SYTL1: variants seen among roughly 807,000 people sequenced by gnomAD.
The protein encoded by SYTL1 is synaptotagmin-like protein 1.
Under a neutral mutation model 74.6 loss-of-function variants are expected in SYTL1, and 53 were observed. The ratio of observed to expected loss-of-function variants is 0.71; its 90% confidence interval spans 0.57 to 0.89. SYTL1 has a LOEUF of 0.89. Ranked by LOEUF, SYTL1 falls within the 40% of genes least tolerant of loss-of-function variation. The pLI, the probability that SYTL1 is intolerant of heterozygous loss-of-function variation, is 0.00. For missense variants in SYTL1, 728 were observed against 768.7 expected, an observed-to-expected ratio of 0.95 and a Z score of 0.63; for synonymous variants, 329 against 324.9, an observed-to-expected ratio of 1.01 and a Z score of -0.14.
chr1:27,350,307 G>C lies in SYTL1; in HGVS notation c.909-82G>C. On this transcript the variant is annotated intron_variant, in intron 9 of 14. Transcript: ENST00000616558. The surrounding 1 kb of genome is among the most constrained non-coding windows in gnomAD (Gnocchi z 6.3). ...TTAGCACGAGGCCTGGCACGTGTTC[G>C]GGATGGTGGCTGGGGGAGCCCACAG... The C allele has an allele frequency of 6.6e-7, 1 of 1,508,380 alleles. No individual in the cohort carries two copies. The allele number at this position is 1,508,380 out of a possible 1,614,324, so 93.4% of individuals were successfully genotyped here.
chr1:27,347,475 C>A lies in SYTL1; in HGVS notation c.246C>A (p.Asp82Glu). Residue 82 changes from aspartate (D) to glutamate (E), a missense_variant, in exon 3 of 15, where the codon GAC (aspartate) becomes GAA (glutamate). Transcript: ENST00000616558. This position sits in a 1 kb window ranked among gnomAD's most constrained non-coding sequence, Gnocchi z 4.9. ...DPGQLKILTG[D>E]WFQEARSQRH... ...GGCAGCTGAAGATCCTGACAGGGGA[C>A]TGGTTCCAGGAAGCACGCTCCCAGC... 6.2e-7 allele frequency: 1 copy of A among 1,614,148 alleles called. No individual in the cohort carries two copies. Among genetic ancestry groups the A allele is most frequent in the Non-Finnish European group, 8.5e-7 (1 of 1,180,050 alleles).
At chr1:27,344,137 CT>C (rs1418937994) in intron 1 of SYTL1, among the ~76,000 whole-genome samples, 1 of 151,430 alleles carries the variant, frequency 6.6e-6, no homozygotes, top group Non-Finnish European at 1.5e-5. Flanking sequence ...GAGTTTCACT[CT>C]TTTTGCCCAG....
At position 27,353,923 on chromosome 1, in the gene SYTL1, C is replaced by G. The variant is rs1420929774; in HGVS notation, c.*71C>G. 20 of 1,422,994 alleles carry G rather than the reference C, an allele frequency of 1.4e-5. No individual in the cohort carries two copies. The Admixed American group carries it at 3.4e-4, about 24-fold the overall frequency. The allele number at this position is 1,422,994 out of a possible 1,614,324, so 88.1% of individuals were successfully genotyped here. A position where few individuals can be genotyped will look rare whatever the true frequency, so the allele number is the denominator to read the frequency against. On this transcript the variant is annotated 3_prime_UTR_variant, in exon 15 of 15. Coordinates refer to ENST00000616558, the MANE Select transcript of SYTL1 (RefSeq NM_001193308.2). ...TTGGCTAAAGTCAATAAAGTCTATT[C>G]TAAGAGCAATAAAAGGCTGGTGTCT...
chr1:27,349,783 G>C lies in SYTL1; in HGVS notation c.747+18G>C, dbSNP rs1395415323. The C allele has an allele frequency of 1.3e-6, 2 of 1,579,402 alleles. No homozygotes were observed. The highest frequency in any genetic ancestry group is 1.8e-5 in the Admixed American group (1 of 57,116). The stretch of plus-strand genomic sequence containing the variant: ...CCTCCACGGTGAGGCGGGAGGGAGG[G>C]GACCCGGGCGGCCGGGGGGTGGACC... On this transcript the variant is annotated intron_variant, in intron 8 of 14. Coordinates refer to ENST00000616558, the MANE Select transcript of SYTL1 (RefSeq NM_001193308.2).
chr1:27,349,916 C>T (rs1172936267), intron 8 of SYTL1, 56 bp from the exon 9 acceptor site: 3 of 1,550,542 alleles, frequency 1.9e-6, no homozygotes, highest in Non-Finnish European at 2.6e-6. Flanking sequence ...GCGCTGCCCG[C>T]GGCCCCGACG....
chr1:27,347,909 T>A lies in SYTL1; in HGVS notation c.413+29T>A. The A allele has an allele frequency of 6.2e-7, 1 of 1,613,928 alleles. No individual in the cohort carries two copies. Among genetic ancestry groups the A allele is most frequent in the Non-Finnish European group, 8.5e-7 (1 of 1,179,884 alleles). ...AGGAGGAGTCTCAGGAAGGGGGAGATGGTGCCCACCAGTCACCAGGGTCCC... is the reference window on the plus strand; with the variant it reads ...AGGAGGAGTCTCAGGAAGGGGGAGAAGGTGCCCACCAGTCACCAGGGTCCC... On this transcript the variant is annotated intron_variant, in intron 4 of 14. Transcript: ENST00000616558. The surrounding 1 kb of genome is among the most constrained non-coding windows in gnomAD (Gnocchi z 4.9).
rs1402598536 is a variant in SYTL1, at chr1:27,345,271, T to A, written c.-38-26T>A. ...ATGTGCCAAGCATTTGTGCAGGGCT[T>A]GACCTGACCCTCGGTCTGCCCCCAG... On this transcript the variant is annotated intron_variant, in intron 1 of 14. Transcript: ENST00000616558. The surrounding 1 kb of genome is among the most constrained non-coding windows in gnomAD (Gnocchi z 6.0). The A allele has an allele frequency of 7.8e-7, 1 of 1,285,162 alleles. No homozygotes were observed. The highest frequency in any genetic ancestry group is 2.7e-5 in the East Asian group (1 of 37,028). The allele number at this position is 1,285,162 out of a possible 1,614,324, so 79.6% of individuals were successfully genotyped here.
Position 27,350,761 on chromosome 1 carries a change from A to G in SYTL1, c.1006-33A>G, listed in dbSNP as rs1374108040. On this transcript the variant is annotated intron_variant, in intron 10 of 14. Coordinates refer to ENST00000616558, the MANE Select transcript of SYTL1 (RefSeq NM_001193308.2). The surrounding 1 kb of genome is among the most constrained non-coding windows in gnomAD (Gnocchi z 6.3). ...CGCAGCATCTACGCGGGCCACCAGC[A>G]GTGCTCCACTAAAGCTCACCTCCTG... 1 of 1,607,690 alleles carries G rather than the reference A, an allele frequency of 6.2e-7. No individual in the cohort carries two copies. The highest frequency in any genetic ancestry group is 2.2e-5 in the East Asian group (1 of 44,696).
In SYTL1 at chr1:27,348,631, C is replaced by T. The variant is rs1292080658; in HGVS notation, c.460-449C>T. Among the ~76,000 whole-genome samples the T allele has an allele frequency of 6.6e-6, 1 of 151,998 alleles. No individual in the cohort carries two copies. The highest frequency in any genetic ancestry group is 2.4e-5 in the African/African-American group (1 of 41,370). Reference sequence around the variant, plus strand: ...CTGAGGCAGGAGAATCGCTTGAACCCAGGAGGCGGAGGTTGCAGTGAGCCA... The same window carrying T: ...CTGAGGCAGGAGAATCGCTTGAACCTAGGAGGCGGAGGTTGCAGTGAGCCA... On this transcript the variant is annotated intron_variant, in intron 5 of 14. Coordinates refer to ENST00000616558, the MANE Select transcript of SYTL1 (RefSeq NM_001193308.2). The surrounding 1 kb of genome is among the most constrained non-coding windows in gnomAD (Gnocchi z 4.1).
chr1:27,353,887 A>C lies in SYTL1; in HGVS notation c.*35A>C. The C allele has an allele frequency of 6.3e-7, 1 of 1,597,882 alleles. No homozygotes were observed. The highest frequency in any genetic ancestry group is 8.6e-7 in the Non-Finnish European group (1 of 1,168,076). On this transcript the variant is annotated 3_prime_UTR_variant, in exon 15 of 15. Transcript: ENST00000616558. ...GCCTCTCTCTCTGGACCCCCATCTC[A>C]GGGCCTGCCCTTGGCTAAAGTCAAT...
chr1:27,345,180 T>C lies in SYTL1; in HGVS notation c.-38-117T>C, dbSNP rs2014942693. On this transcript the variant is annotated intron_variant, in intron 1 of 14. Transcript: ENST00000616558. The surrounding 1 kb of genome is among the most constrained non-coding windows in gnomAD (Gnocchi z 6.0). ...TCTCACCCCACCTTGAGCTCAGCCATCCTGGGGTGGCACCCTACCCATACC... is the reference window on the plus strand; with the variant it reads ...TCTCACCCCACCTTGAGCTCAGCCACCCTGGGGTGGCACCCTACCCATACC... The C allele has an allele frequency of 1.8e-6, 1 of 556,848 alleles. No individual in the cohort carries two copies. Among genetic ancestry groups the C allele is most frequent in the African/African-American group, 1.9e-5 (1 of 51,312 alleles). 34.5% of individuals were successfully genotyped at this position (556,848 alleles called of 1,614,324 possible). A position where few individuals can be genotyped will look rare whatever the true frequency, so the allele number is the denominator to read the frequency against.
At chr1:27,353,632 A>G in intron 14 of SYTL1, 81 bp from the exon 15 acceptor site, 33 of 1,570,434 alleles carry the variant, frequency 2.1e-5, no homozygotes, top group Non-Finnish European at 2.9e-5. Context: ...GACAGTGCAT[A>G]ATCTGGGACC....
intron 6 of SYTL1, 26 bp from the exon 7 acceptor site, chr1:27,349,372 G>C: frequency 7.0e-7 from 1 of 1,432,644 alleles, no homozygotes; most frequent in Non-Finnish European, 9.2e-7. Context: ...GAGAGGGCTC[G>C]CTTAGCATCT....
chr1:27,351,323 C>T lies in SYTL1; in HGVS notation c.1230C>T (p.Pro410=), dbSNP rs191028846. The change falls in exon 12 of 15, where the codon CCC becomes CCT. Residue 410 remains proline, a synonymous_variant. Transcript: ENST00000616558. This position sits in a 1 kb window ranked among gnomAD's most constrained non-coding sequence, Gnocchi z 5.0. Reference sequence around the variant, plus strand: ...TCGCCCTGTCCCTCAAGTACGTCCCCGCCGGCTCCGAGGGTGAGTGACAGC... The same window carrying T: ...TCGCCCTGTCCCTCAAGTACGTCCCTGCCGGCTCCGAGGGTGAGTGACAGC... ...GLLALSLKYV[P]AGSEGAGLPP... The T allele has an allele frequency of 1.3e-6, 2 of 1,556,274 alleles. No homozygotes were observed. The highest frequency in any genetic ancestry group is 1.9e-5 in the Admixed American group (1 of 51,816).
At position 27,353,272 on chromosome 1, in the gene SYTL1, C is replaced by T. The variant is rs192447865; in HGVS notation, c.1344-11C>T. ...GGGGGGTCACCTGATGCCAGGCCAC[C>T]TCCCGCACAGCTTCGTGCTGCCTGA... On this transcript the variant is annotated splice_polypyrimidine_tract_variant and intron_variant, in intron 13 of 14. Transcript: ENST00000616558. The T allele has an allele frequency of 2.5e-6, 4 of 1,578,380 alleles. No homozygotes were observed. In the East Asian group the frequency reaches 9.4e-5, roughly 37 times the overall value.
chr1:27,347,306 C>T lies in SYTL1; in HGVS notation c.192-115C>T. ...GCCCGAGCTCCTCCACAGCACAGATCAAGTCTGATTTGCTGTTGGGTCCCT... is the reference window on the plus strand; with the variant it reads ...GCCCGAGCTCCTCCACAGCACAGATTAAGTCTGATTTGCTGTTGGGTCCCT... On this transcript the variant is annotated intron_variant, in intron 2 of 14. Coordinates refer to ENST00000616558, the MANE Select transcript of SYTL1 (RefSeq NM_001193308.2). This position sits in a 1 kb window ranked among gnomAD's most constrained non-coding sequence, Gnocchi z 4.9. 3 of 1,394,090 alleles carry T rather than the reference C, an allele frequency of 2.2e-6. No homozygotes were observed. Among genetic ancestry groups the T allele is most frequent in the Non-Finnish European group, 3.0e-6 (3 of 1,000,842 alleles). The allele number at this position is 1,394,090 out of a possible 1,614,324, so 86.4% of individuals were successfully genotyped here.
At position 27,347,482 on chromosome 1, in the gene SYTL1, C is replaced by T. The variant is rs369805137; in HGVS notation, c.253C>T (p.Gln85Ter). The T allele has an allele frequency of 1.9e-6, 3 of 1,614,034 alleles. No individual in the cohort carries two copies. Among genetic ancestry groups the T allele is most frequent in the Non-Finnish European group, 2.5e-6 (3 of 1,180,064 alleles). ...QLKILTGDWFQEARSQRHHNA... is the reference protein window; with the variant it reads ...QLKILTGDWF ...GAAGATCCTGACAGGGGACTGGTTC[C>T]AGGAAGCACGCTCCCAGCGGCACCA... Residue 85 changes from glutamine to a stop codon, truncating the protein, a stop_gained, in exon 3 of 15, where the codon CAG (glutamine) becomes TAG (stop). Transcript: ENST00000616558. LOFTEE classifies it high-confidence loss of function. The surrounding 1 kb of genome is among the most constrained non-coding windows in gnomAD (Gnocchi z 4.9).
rs779655219 is a variant in SYTL1, at chr1:27,350,928, C to T, written c.1140C>T (p.Pro380=). The change falls in exon 11 of 15, where the codon CCC becomes CCT. Residue 380 remains proline (P), a synonymous_variant. Coordinates refer to ENST00000616558, the MANE Select transcript of SYTL1 (RefSeq NM_001193308.2). The surrounding 1 kb of genome is among the most constrained non-coding windows in gnomAD (Gnocchi z 6.3). ...PLDTWDWGSE[P]TWLPLQPRVP... ...ACACGTGGGACTGGGGCTCTGAGCCCACCTGGCTCCCCCTGCAGCCCCGGG... is the reference window on the plus strand; with the variant it reads ...ACACGTGGGACTGGGGCTCTGAGCCTACCTGGCTCCCCCTGCAGCCCCGGG... The T allele has an allele frequency of 4.3e-6, 7 of 1,613,174 alleles. No homozygotes were observed. The highest frequency in any genetic ancestry group is 2.2e-5 in the East Asian group (1 of 44,858).
In SYTL1 at chr1:27,348,437, C is replaced by T. The variant is rs1304116061; in HGVS notation, c.459+425C>T. Among the ~76,000 whole-genome samples the T allele has an allele frequency of 1.3e-5, 2 of 151,730 alleles. No homozygotes were observed. Among genetic ancestry groups the T allele is most frequent in the African/African-American group, 2.4e-5 (1 of 41,278 alleles). On this transcript the variant is annotated intron_variant, in intron 5 of 14. Coordinates refer to ENST00000616558, the MANE Select transcript of SYTL1 (RefSeq NM_001193308.2). The surrounding 1 kb of genome is among the most constrained non-coding windows in gnomAD (Gnocchi z 4.1). ...TAAAAAATAAATAAAAAAAAAAGGC[C>T]GGTCGTGGCAGCTCACGCCTATAAT...
Sources: allele counts gnomAD v4.1 joint callset (sites outside exome capture counted in the v4.1 genomes callset), GRCh38; gene constraint gnomAD v4.1.1; non-coding constraint Gnocchi (gnomAD v3.1); transcripts MANE v1.5; gene names NCBI Gene and HGNC (gene_info 2026-07-23, HGNC 2026-07-21).